The following HS6ST3 variants were observed in gnomAD, a reference collection of about 807,000 sequenced individuals.
HS6ST3 encodes the protein heparan sulfate 6-O-sulfotransferase 3, also known as heparan-sulfate 6-O-sulfotransferase 3.
In HS6ST3, 12 loss-of-function variants were observed where a neutral mutation model predicts 36.7. The ratio of observed to expected loss-of-function variants is 0.33; its 90% confidence interval spans 0.21 to 0.53. The LOEUF (loss-of-function observed/expected upper bound fraction) is 0.53. Ranked by LOEUF, HS6ST3 falls within the 20% of genes least tolerant of loss-of-function variation. The pLI is 0.95. For missense variants in HS6ST3, 584 were observed against 640.9 expected (o/e 0.91, Z 0.96); for synonymous variants, 240 against 257.5 (o/e 0.93, Z 0.65).
At chr13:96,518,192 C>A (rs550387751) in intron 1 of HS6ST3, among the ~76,000 whole-genome samples, 3 of 152,278 alleles carry the variant, frequency 2.0e-5, no homozygotes, top group African/African-American at 7.2e-5. Flanking sequence ...TTGTAGGAGA[C>A]ACCATCTCCT....
chr13:96,102,328 A>G (rs1303723992), intron 1 of HS6ST3, among the ~76,000 whole-genome samples: 10 of 152,102 alleles, frequency 6.6e-5, no homozygotes, highest in Non-Finnish European at 1.5e-5. Flanking sequence ...ATTTAAAAAT[A>G]TTTGCTAGCT....
chr13:96,617,714 A>C (rs1241370231), intron 1 of HS6ST3, among the ~76,000 whole-genome samples: 1 of 152,174 alleles, frequency 6.6e-6, no homozygotes, highest in Non-Finnish European at 1.5e-5. Flanking sequence ...GTTGGTCCCG[A>C]AGCAGCAGTA....
At chr13:96,817,616 T>A (rs1878448639) in intron 1 of HS6ST3, among the ~76,000 whole-genome samples, 1 of 152,244 alleles carries the variant, frequency 6.6e-6, no homozygotes, top group Non-Finnish European at 1.5e-5. Flanking sequence ...GGATTTTTGT[T>A]GATGGGTCTT....
chr13:96,771,401 C>G (rs1236042348), intron 1 of HS6ST3, among the ~76,000 whole-genome samples: 1 of 151,718 alleles, frequency 6.6e-6, no homozygotes, highest in Non-Finnish European at 1.5e-5. Flanking sequence ...GCACATGTAC[C>G]CTAGAACTTA....
chr13:96,790,755 G>T, intron 1 of HS6ST3, among the ~76,000 whole-genome samples: 1 of 152,028 alleles, frequency 6.6e-6, no homozygotes, highest in East Asian at 1.9e-4. Flanking sequence ...GTGCAGGAAG[G>T]TTTGCATAAT....
chr13:96,232,374 T>C (rs2054512985), intron 1 of HS6ST3, among the ~76,000 whole-genome samples: 1 of 151,922 alleles, frequency 6.6e-6, no homozygotes, highest in Non-Finnish European at 1.5e-5. Context: ...TTGGGGATAG[T>C]AGAGTCAGAG....
At chr13:96,796,278 C>T (rs548715324) in intron 1 of HS6ST3, among the ~76,000 whole-genome samples, 1 of 152,024 alleles carries the variant, frequency 6.6e-6, no homozygotes, top group East Asian at 1.9e-4. Flanking sequence ...TTTTCCTTTT[C>T]CACATGACAG....
intron 1 of HS6ST3, among the ~76,000 whole-genome samples, chr13:96,572,920 C>A (rs576073905): frequency 6.6e-6 from 1 of 152,218 alleles, no homozygotes; most frequent in East Asian, 1.9e-4. Flanking sequence ...CTGAATAATC[C>A]CCAAATCATT....
chr13:96,562,829 GTCAGGGATGTTAGA>G, intron 1 of HS6ST3, among the ~76,000 whole-genome samples: 1 of 152,078 alleles, frequency 6.6e-6, no homozygotes, highest in Admixed American at 6.6e-5. Flanking sequence ...CCATGGAACA[GTCAGGGATGTTAGA>G]GCTCTGAAAG....
chr13:96,383,572 T>A (rs910539854), intron 1 of HS6ST3, among the ~76,000 whole-genome samples: 2 of 152,208 alleles, frequency 1.3e-5, no homozygotes, highest in African/African-American at 4.8e-5. Context: ...AAGCTGAAGC[T>A]GAGGGACAGC....
At chr13:96,256,330 C>T (rs75970464) in intron 1 of HS6ST3, among the ~76,000 whole-genome samples, 221 of 152,336 alleles carry the variant, frequency 1.5e-3, no homozygotes, top group African/African-American at 4.9e-3. Context: ...GTGGGAACTA[C>T]ACGTTCCATT....
chr13:96,479,284 T>C (rs565392189), intron 1 of HS6ST3, among the ~76,000 whole-genome samples: 2 of 152,312 alleles, frequency 1.3e-5, no homozygotes, highest in Admixed American at 6.5e-5. Flanking sequence ...ACAGTGAGGC[T>C]GTATAATGGT....
chr13:96,656,998 T>TGTGTGTGTGA (rs1397374817), intron 1 of HS6ST3, among the ~76,000 whole-genome samples: 87 of 98,334 alleles, frequency 8.8e-4, no homozygotes, highest in African/African-American at 2.4e-3. Context: ...TGTGTGTGTG[T>TGTGTGTGTGA]GAGAGAGAGA....
At chr13:96,816,470 G>C (rs1169154044) in intron 1 of HS6ST3, among the ~76,000 whole-genome samples, 1 of 152,184 alleles carries the variant, frequency 6.6e-6, no homozygotes, top group Admixed American at 6.5e-5. Flanking sequence ...CATGTCTCTT[G>C]GGAGCCTGAG....
chr13:96,357,467 A>G (rs2055215778), intron 1 of HS6ST3, among the ~76,000 whole-genome samples: 1 of 152,164 alleles, frequency 6.6e-6, no homozygotes, highest in African/African-American at 2.4e-5. Context: ...TAATTTCAAT[A>G]TTGTTGTGTC....
At chr13:96,100,917 G>A (rs1300526664) in intron 1 of HS6ST3, among the ~76,000 whole-genome samples, 1 of 152,172 alleles carries the variant, frequency 6.6e-6, no homozygotes, top group Non-Finnish European at 1.5e-5. Flanking sequence ...ACCAAGATCG[G>A]ATACCCCATA....
intron 1 of HS6ST3, among the ~76,000 whole-genome samples, chr13:96,178,171 G>C (rs1415463757): frequency 6.6e-6 from 1 of 152,116 alleles, no homozygotes; most frequent in Non-Finnish European, 1.5e-5. Context: ...TACTTCTGAG[G>C]CTGAATATTG....
At chr13:96,720,247 A>G (rs1875809149) in intron 1 of HS6ST3, among the ~76,000 whole-genome samples, 1 of 152,188 alleles carries the variant, frequency 6.6e-6, no homozygotes, top group Admixed American at 6.6e-5. Context: ...ATCTTACAAA[A>G]TAGATTATAA....
rs889279667 is a variant in HS6ST3 at position 96,152,471 on chromosome 13, G to A, written c.707+60902G>A. Among the ~76,000 whole-genome samples the A allele has an allele frequency of 2.0e-5, 3 of 152,002 alleles. No individual in the cohort carries two copies. In the South Asian group the frequency reaches 6.2e-4, roughly 32 times the overall value. Reference sequence around the variant, plus strand: ...TCCTGCCTCAGCCTCCTGAGTAGCTGGGACTACAGGCGCCCGCCACCACGC... The same window carrying A: ...TCCTGCCTCAGCCTCCTGAGTAGCTAGGACTACAGGCGCCCGCCACCACGC... On this transcript the variant is annotated intron_variant, in intron 1 of 1. Transcript: ENST00000376705.
Sources: gnomAD v4.1 joint callset for allele counts (sites outside exome capture counted in the v4.1 genomes callset) on GRCh38, gnomAD v4.1.1 for gene constraint, MANE v1.5 for transcripts, NCBI Gene and HGNC (gene_info 2026-07-23, HGNC 2026-07-21) for gene names.